LINGO2: variants seen among roughly 807,000 people sequenced by gnomAD.
The protein encoded by LINGO2 is leucine-rich repeat and immunoglobulin-like domain-containing nogo receptor-interacting protein 2.
Under a neutral mutation model 30.6 loss-of-function variants are expected in LINGO2, and 14 were observed. That is an observed-to-expected ratio of 0.46 (90% CI 0.30 to 0.72). LINGO2 has a LOEUF of 0.72. Among genes scored for constraint, LINGO2 ranks in the 30% least tolerant of loss-of-function variants. The pLI is 0.07. For missense variants in LINGO2, 729 were observed against 751.7 expected (o/e 0.97, Z 0.35); for synonymous variants, 317 against 288.5 (o/e 1.10, Z -1.00).
the LINGO2 span, among the ~76,000 whole-genome samples, chr9:29,075,554 C>T: frequency 0.2 from 30,021 of 152,070 alleles, 3,102 homozygotes; most frequent in African/African-American, 0.24. Context: ...AATGCATAAA[C>T]AGATTTAGCC....
the LINGO2 span, among the ~76,000 whole-genome samples, chr9:29,030,524 C>T: frequency 6.6e-6 from 1 of 152,114 alleles, no homozygotes; most frequent in Non-Finnish European, 1.5e-5. Context: ...TGACAGTTCT[C>T]TGCTCTTATT....
chr9:28,145,412 AAT>A (rs1440022303), intron 4 of LINGO2, among the ~76,000 whole-genome samples: 1 of 152,234 alleles, frequency 6.6e-6, no homozygotes, highest in African/African-American at 2.4e-5. Context: ...CCTATAAAAT[AAT>A]ATGTTTATAT....
chr9:28,765,408 C>T, the LINGO2 span, among the ~76,000 whole-genome samples: 1 of 151,994 alleles, frequency 6.6e-6, no homozygotes, highest in African/African-American at 2.4e-5. Flanking sequence ...GTTGTCCACA[C>T]CAAAATTCAT....
rs534497958 is a variant in LINGO2, at chr9:28,559,315, T to C, written c.-364-83290A>G. Among the ~76,000 whole-genome samples, 13 of 152,290 alleles carry C rather than the reference T, an allele frequency of 8.5e-5. No individual in the cohort carries two copies. In the South Asian group the frequency reaches 2.5e-3, roughly 29 times the overall value. On this transcript the variant is annotated intron_variant, in intron 1 of 5. Coordinates refer to ENST00000379992, the Ensembl canonical transcript of LINGO2. ...CTGAAAATGTCTCAGATCTTTATTC[T>C]GAAATGTCTTCAAATTGCTGCTTGA...
the LINGO2 span, among the ~76,000 whole-genome samples, chr9:29,067,659 A>G: frequency 1.3e-5 from 2 of 151,640 alleles, no homozygotes; most frequent in East Asian, 1.9e-4. Context: ...AACGATAGGG[A>G]AAATGAACAA....
At chr9:28,167,139 ACC>A (rs35331376) in intron 4 of LINGO2, among the ~76,000 whole-genome samples, 4,275 of 104,954 alleles carry the variant, frequency 0.041, 105 homozygotes, top group African/African-American at 0.075. Flanking sequence ...TTAATATAGC[ACC>A]CCCCCCCCCC....
At chr9:28,779,624 T>C in the LINGO2 span, among the ~76,000 whole-genome samples, 1 of 152,182 alleles carries the variant, frequency 6.6e-6, no homozygotes, top group Non-Finnish European at 1.5e-5. Context: ...GAAAAGAGTG[T>C]ACAATATCAC....
intron 4 of LINGO2, among the ~76,000 whole-genome samples, chr9:28,283,652 T>C (rs10968436): frequency 0.23 from 34,730 of 152,048 alleles, 4,435 homozygotes; most frequent in Non-Finnish European, 0.3. Flanking sequence ...ATTAGCTGTG[T>C]GAGCTTAGTA....
chr9:28,744,609 C>CGTGTGTGTGTGTGTGTGTGTGTGTGT, the LINGO2 span, among the ~76,000 whole-genome samples: 90 of 133,974 alleles, frequency 6.7e-4, 1 homozygote, highest in Middle Eastern at 8.3e-3. Context: ...ATATTCCCCT[C>CGTGTGTGTGTGTGTGTGTGTGTGTGT]GTGTGTGTGT....
chr9:27,956,187 C>T (rs1819561295), intron 5 of LINGO2, among the ~76,000 whole-genome samples: 2 of 152,174 alleles, frequency 1.3e-5, no homozygotes. Context: ...AGGTGATCTG[C>T]CCGCCTCGGC....
At chr9:28,787,256 G>A in the LINGO2 span, among the ~76,000 whole-genome samples, 3 of 152,072 alleles carry the variant, frequency 2.0e-5, no homozygotes, top group African/African-American at 7.2e-5. Flanking sequence ...CAGTATATAA[G>A]GAGGAAAGAT....
intron 3 of LINGO2, among the ~76,000 whole-genome samples, chr9:28,370,988 C>G (rs1191311266): frequency 6.6e-6 from 1 of 152,144 alleles, no homozygotes; most frequent in African/African-American, 2.4e-5. Flanking sequence ...CTAATGCAAG[C>G]CATCAGAAGT....
At chr9:28,862,629 A>C in the LINGO2 span, among the ~76,000 whole-genome samples, 14 of 152,246 alleles carry the variant, frequency 9.2e-5, no homozygotes, top group Non-Finnish European at 1.9e-4. Context: ...GATATATTCA[A>C]TGATGATGCA....
chr9:28,498,730 A>T (rs1819760800), intron 1 of LINGO2, among the ~76,000 whole-genome samples: 1 of 151,806 alleles, frequency 6.6e-6, no homozygotes, highest in African/African-American at 2.4e-5. Context: ...TGCAGAAATC[A>T]CCCATCTTCT....
At chr9:28,104,266 G>GTTTTTTTTTTTTTTTT (rs74180789) in intron 4 of LINGO2, among the ~76,000 whole-genome samples, 19 of 97,462 alleles carry the variant, frequency 1.9e-4, no homozygotes, top group East Asian at 3.6e-4. Flanking sequence ...TTTTTTGTTT[G>GTTTTTTTTTTTTTTTT]TTTTTTTTTT....
chr9:28,237,294 A>G (rs79085430), intron 4 of LINGO2, among the ~76,000 whole-genome samples: 11,093 of 152,158 alleles, frequency 0.073, 492 homozygotes, highest in South Asian at 0.16. Context: ...TATACACACA[A>G]AAAATTTTCA....
rs146193364 is a variant in LINGO2, at chr9:27,996,974, C to T, written c.-36+15381G>A. Among the ~76,000 whole-genome samples the T allele has an allele frequency of 3.4e-3, 519 of 152,250 alleles. 6 individuals are homozygous for T. Among genetic ancestry groups the T allele is most frequent in the Non-Finnish European group, 5.9e-3 (398 of 68,012 alleles). On this transcript the variant is annotated intron_variant, in intron 5 of 5. Transcript: ENST00000379992. ...ATTTTCACATACACACATGACATACCTATTATTTTCAGCTTTAGCTGACAC... is the reference window on the plus strand; with the variant it reads ...ATTTTCACATACACACATGACATACTTATTATTTTCAGCTTTAGCTGACAC...
chr9:28,355,557 A>C (rs1820166867), intron 3 of LINGO2, among the ~76,000 whole-genome samples: 1 of 152,040 alleles, frequency 6.6e-6, no homozygotes, highest in Non-Finnish European at 1.5e-5. Flanking sequence ...AAGCTTTCTC[A>C]AGGAGAACAA....
At chr9:28,349,135 C>T (rs1819735278) in intron 3 of LINGO2, among the ~76,000 whole-genome samples, 1 of 152,186 alleles carries the variant, frequency 6.6e-6, no homozygotes, top group Admixed American at 6.5e-5. Flanking sequence ...AGCAACGGAA[C>T]AAAGCTGGAT....
Sources: gnomAD v4.1 joint callset for allele counts (sites outside exome capture counted in the v4.1 genomes callset) on GRCh38, gnomAD v4.1.1 for gene constraint, MANE v1.5 for transcripts, NCBI Gene and HGNC (gene_info 2026-07-23, HGNC 2026-07-21) for gene names.